LRRC42: variants seen among roughly 807,000 people sequenced by gnomAD.
LRRC42 encodes leucine-rich repeat-containing protein 42.
In LRRC42, 43 loss-of-function variants were observed where a neutral mutation model predicts 44.3. The observed-to-expected ratio is 0.97, with a 90% CI of 0.76 to 1.25. The LOEUF (loss-of-function observed/expected upper bound fraction) is 1.25. LRRC42 is among the 50% of genes most tolerant of loss of function. The pLI is 0.00. For synonymous variants in LRRC42, 207 were observed against 195.2 expected, an observed-to-expected ratio of 1.06 and a Z score of -0.50; for missense variants, 540 against 509.1, an observed-to-expected ratio of 1.06 and a Z score of -0.58.
chr1:53,948,644 C>T (rs1239954764), intron 2 of LRRC42, among the ~76,000 whole-genome samples: 4 of 152,148 alleles, frequency 2.6e-5, no homozygotes, highest in African/African-American at 9.7e-5. Context: ...CTACATTGGG[C>T]ATTGTTATTG....
intron 7 of LRRC42, among the ~76,000 whole-genome samples, chr1:53,965,641 T>G (rs949084370): frequency 2.0e-5 from 3 of 151,590 alleles, no homozygotes; most frequent in African/African-American, 7.3e-5. Flanking sequence ...CCAGCTAATT[T>G]TTTTTTTGTA....
chr1:53,961,706 A>G (rs1231293485), intron 5 of LRRC42, among the ~76,000 whole-genome samples: 2 of 152,226 alleles, frequency 1.3e-5, no homozygotes, highest in African/African-American at 2.4e-5. Context: ...AAAGTATGAT[A>G]AACCATTGTA....
intron 3 of LRRC42, among the ~76,000 whole-genome samples, chr1:53,955,296 A>G (rs935614271): frequency 2.6e-5 from 4 of 152,102 alleles, no homozygotes; most frequent in East Asian, 3.8e-4. Flanking sequence ...AAAATATAGG[A>G]AACTTTTTTT....
intron 4 of LRRC42, among the ~76,000 whole-genome samples, chr1:53,959,791 T>C (rs1420287622): frequency 6.6e-6 from 1 of 152,212 alleles, no homozygotes; most frequent in Non-Finnish European, 1.5e-5. Context: ...TTAAAGTATA[T>C]TTATCCCCTA....
chr1:53,963,950 C>A (rs1441891907), intron 7 of LRRC42, among the ~76,000 whole-genome samples: 2 of 114,968 alleles, frequency 1.7e-5, no homozygotes, highest in East Asian at 3.1e-4. Flanking sequence ...CCTGCCCACC[C>A]CCCCCCCATC....
In LRRC42 at chr1:53,955,721, C is replaced by G. The variant is rs186175442; in HGVS notation, c.474-2428C>G. Among the ~76,000 whole-genome samples, 470 of 151,734 alleles carry G rather than the reference C, an allele frequency of 3.1e-3. 4 individuals carry two copies. The highest frequency in any genetic ancestry group is 0.01 in the Middle Eastern group (3 of 294). The stretch of plus-strand genomic sequence containing the variant: ...TCAGCTCACTGCAAGCTCCACCTCC[C>G]GGGTTCACGCAATTCTCCTGCCTCA... On this transcript the variant is annotated intron_variant, in intron 3 of 8. Coordinates refer to ENST00000371370, the MANE Select transcript of LRRC42 (RefSeq NM_001256409.2).
intron 8 of LRRC42, 79 bp from the exon 9 acceptor site, chr1:53,967,586 C>T: frequency 7.3e-7 from 1 of 1,374,568 alleles, no homozygotes; most frequent in South Asian, 1.3e-5. Context: ...TTTGTCATAT[C>T]CCTGGGTTTA....
rs1449487527 is a variant in LRRC42, at chr1:53,946,557, GC to G, written c.-49+9del. On this transcript the variant is annotated intron_variant, in intron 1 of 8. Coordinates refer to ENST00000371370, the MANE Select transcript of LRRC42 (RefSeq NM_001256409.2). The stretch of plus-strand genomic sequence containing the variant: ...CCCCGGGCAGGGGCACAGGTAGGTG[GC>G]GGCCGCGGGCCGGGCCGCTCGCGGG... 2 of 151,880 alleles carry G rather than the reference GC, an allele frequency of 1.3e-5. No individual in the cohort carries two copies. The highest frequency in any genetic ancestry group is 2.9e-5 in the Non-Finnish European group (2 of 67,898). 9.4% of individuals were successfully genotyped at this position (151,880 alleles called of 1,614,324 possible).
In LRRC42 at chr1:53,967,999, CTG is replaced by C; in HGVS notation, c.*61_*62del. 1 of 1,529,782 alleles carries C rather than the reference CTG, an allele frequency of 6.5e-7. No individual in the cohort carries two copies. Among genetic ancestry groups the C allele is most frequent in the Admixed American group, 2.0e-5 (1 of 49,666 alleles). 94.8% of individuals were successfully genotyped at this position (1,529,782 alleles called of 1,614,324 possible). On this transcript the variant is annotated 3_prime_UTR_variant, in exon 9 of 9. Transcript: ENST00000371370. ...AGCTCTAGTGTTTGAGTAAAGGAGACTGAGGATGATTTACTTTTTGTTTGAAT... is the reference window on the plus strand; with the variant it reads ...AGCTCTAGTGTTTGAGTAAAGGAGACAGGATGATTTACTTTTTGTTTGAAT...
At chr1:53,966,274 A>G (rs908361156) in intron 7 of LRRC42, 22 bp from the exon 8 acceptor site, 2 of 1,594,908 alleles carry the variant, frequency 1.3e-6, no homozygotes, top group Non-Finnish European at 8.6e-7. Flanking sequence ...TTTGGATTCA[A>G]ATCTTTCCAA....
At chr1:53,967,263 A>G (rs1557650470) in intron 8 of LRRC42, among the ~76,000 whole-genome samples, 1 of 152,214 alleles carries the variant, frequency 6.6e-6, no homozygotes. Flanking sequence ...CAGATTTCGA[A>G]TAATGAAGGC....
chr1:53,962,231 C>T (rs1175963048), intron 6 of LRRC42, 65 bp from the exon 7 acceptor site: 4 of 1,446,364 alleles, frequency 2.8e-6, no homozygotes, highest in Non-Finnish European at 3.9e-6. Context: ...TCTTTATTTA[C>T]TACTGAAAAC....
At position 53,964,056 on chromosome 1, in the gene LRRC42, T is replaced by C. The variant is rs1655065128; in HGVS notation, c.927+1647T>C. ...CCTCATTCCCCAGTGCAGCTGTGCA[T>C]TGTTTCCTGTCCAGTCTGTCCCACC... On this transcript the variant is annotated intron_variant, in intron 7 of 8. Transcript: ENST00000371370. Among the ~76,000 whole-genome samples, 2 of 150,340 alleles carry C rather than the reference T, an allele frequency of 1.3e-5. 1 individual carries two copies. Among genetic ancestry groups the C allele is most frequent in the African/African-American group, 4.9e-5 (2 of 40,920 alleles).
rs142708344 is a variant in LRRC42, at chr1:53,952,168, A to G, written c.169A>G (p.Met57Val). The G allele has an allele frequency of 1.9e-5, 30 of 1,614,102 alleles. No homozygotes were observed. Among genetic ancestry groups the G allele is most frequent in the East Asian group, 6.7e-5 (3 of 44,898 alleles). ...FPKGFSVELC[M>V]NREDDTARKE... ...CAAAGGCTTTTCTGTGGAGCTTTGC[A>G]TGAACAGGGAAGACGACACTGCACG... Residue 57 changes from methionine to valine, a missense_variant, in exon 3 of 9, where the codon ATG (methionine) becomes GTG (valine). Met to Val is a conservative substitution (Grantham distance 21). Transcript: ENST00000371370.
rs1205694568 is a variant in LRRC42, at chr1:53,965,589, C to G, written c.928-707C>G. ...CTGCCTCCCGGGTTCACGCCATTCT[C>G]CTGCCCCAGCCTCCCGAGTAGCTGG... is the stretch of plus-strand genomic sequence containing the variant. On this transcript the variant is annotated intron_variant, in intron 7 of 8. Coordinates refer to ENST00000371370, the MANE Select transcript of LRRC42 (RefSeq NM_001256409.2). 5.9e-5 allele frequency among the ~76,000 whole-genome samples: 9 copies of G among 151,728 alleles called. No individual in the cohort carries two copies. The East Asian group carries it at 1.7e-3, about 29-fold the overall frequency.
At chr1:53,948,466 C>T (rs917028405) in intron 2 of LRRC42, among the ~76,000 whole-genome samples, 2 of 152,156 alleles carry the variant, frequency 1.3e-5, no homozygotes, top group Non-Finnish European at 2.9e-5. Flanking sequence ...TGGTACACTT[C>T]GTGGTAACTT....
At chr1:53,958,081 A>C in intron 3 of LRRC42, 68 bp from the exon 4 acceptor site, 1 of 1,594,662 alleles carries the variant, frequency 6.3e-7, no homozygotes, top group Non-Finnish European at 8.6e-7. Flanking sequence ...ACTATGATAC[A>C]AATCCACAAA....
At chr1:53,964,477 C>T (rs926784768) in intron 7 of LRRC42, among the ~76,000 whole-genome samples, 6 of 152,192 alleles carry the variant, frequency 3.9e-5, no homozygotes, top group African/African-American at 1.4e-4. Flanking sequence ...GAACCAAACT[C>T]ATTTTCTTCT....
chr1:53,965,489 T>C (rs952960931), intron 7 of LRRC42, among the ~76,000 whole-genome samples: 1 of 151,676 alleles, frequency 6.6e-6, no homozygotes, highest in Non-Finnish European at 1.5e-5. Flanking sequence ...CTTTTCTTTT[T>C]TTTTTTTTGA....
Sources: gnomAD v4.1 joint callset for allele counts (sites outside exome capture counted in the v4.1 genomes callset) on GRCh38, gnomAD v4.1.1 for gene constraint, MANE v1.5 for transcripts, NCBI Gene and HGNC (gene_info 2026-07-23, HGNC 2026-07-21) for gene names.